The following UBE3C variants were observed in gnomAD, a reference collection of about 807,000 sequenced individuals.
The protein encoded by UBE3C is ubiquitin protein ligase E3C.
In UBE3C, 42 loss-of-function variants were observed where a neutral mutation model predicts 129.4. That is an observed-to-expected ratio of 0.32 (90% CI 0.25 to 0.42). The LOEUF is 0.42. Ranked by LOEUF, UBE3C falls within the 10% of genes least tolerant of loss-of-function variation. UBE3C has a pLI of 1.00. For synonymous variants in UBE3C, 510 were observed against 492.4 expected (o/e 1.04, Z -0.47); for missense variants, 1,049 against 1,319.1 (o/e 0.80, Z 3.17).
In UBE3C at chr7:157,268,851, CAGAA is replaced by C. The variant is rs1464806591; in HGVS notation, c.*1099_*1102del. ...GCTGGGTGATTTTAGTCTCTACAAACAGAAAGCGTTTCAAAGCGTCAGCTGTGGG... is the reference window on the plus strand; with the variant it reads ...GCTGGGTGATTTTAGTCTCTACAAACAGCGTTTCAAAGCGTCAGCTGTGGG... On this transcript the variant is annotated 3_prime_UTR_variant, in exon 23 of 23. Coordinates refer to ENST00000348165, the MANE Select transcript of UBE3C (RefSeq NM_014671.3). 2 of 152,692 alleles carry C rather than the reference CAGAA, an allele frequency of 1.3e-5. No homozygotes were observed. Among genetic ancestry groups the C allele is most frequent in the Admixed American group, 6.5e-5 (1 of 15,286 alleles). 9.5% of individuals were successfully genotyped at this position (152,692 alleles called of 1,614,324 possible).
intron 13 of UBE3C, among the ~76,000 whole-genome samples, chr7:157,214,285 G>T (rs1351200104): frequency 6.6e-6 from 1 of 152,152 alleles, no homozygotes; most frequent in African/African-American, 2.4e-5. Flanking sequence ...ATGTAAATGA[G>T]AACTTAATTG....
At chr7:157,247,928 T>C (rs955283264) in intron 18 of UBE3C, among the ~76,000 whole-genome samples, 1 of 152,128 alleles carries the variant, frequency 6.6e-6, no homozygotes, top group African/African-American at 2.4e-5. Flanking sequence ...CTGCGAGGCC[T>C]TGTTTGGAAA....
chr7:157,172,586 C>T (rs1396454969), intron 4 of UBE3C, among the ~76,000 whole-genome samples: 2 of 152,052 alleles, frequency 1.3e-5, no homozygotes, highest in South Asian at 2.1e-4. Flanking sequence ...TTCTGTAAAC[C>T]GAGAACGTGC....
chr7:157,186,782 G>A (rs1250254707), intron 9 of UBE3C, 52 bp from the exon 10 acceptor site: 1 of 1,595,942 alleles, frequency 6.3e-7, no homozygotes, highest in African/African-American at 1.3e-5. Flanking sequence ...TAGTGTAGAG[G>A]ACGTTCCAGT....
At position 157,267,831 on chromosome 7, in the gene UBE3C, A is replaced by C; in HGVS notation, c.*76A>C. On this transcript the variant is annotated 3_prime_UTR_variant, in exon 23 of 23. Transcript: ENST00000348165. ...GCAGCGCCTCCCCAGACCCACGAGGATACTCACACTGCACGCCTGAGGCTC... is the reference window on the plus strand; with the variant it reads ...GCAGCGCCTCCCCAGACCCACGAGGCTACTCACACTGCACGCCTGAGGCTC... The C allele has an allele frequency of 7.6e-7, 1 of 1,323,076 alleles. No homozygotes were observed. The highest frequency in any genetic ancestry group is 1.0e-6 in the Non-Finnish European group (1 of 982,426). The allele number at this position is 1,323,076 out of a possible 1,614,324, so 82.0% of individuals were successfully genotyped here. A position where few individuals can be genotyped will look rare whatever the true frequency, so the allele number is the denominator to read the frequency against.
intron 4 of UBE3C, among the ~76,000 whole-genome samples, chr7:157,171,940 C>G (rs1029597099): frequency 6.6e-6 from 1 of 150,396 alleles, no homozygotes; most frequent in African/African-American, 2.4e-5. Context: ...CTCCTGGCCT[C>G]AGGTGATCCA....
At chr7:157,184,353 T>C (rs1485680570) in intron 9 of UBE3C, among the ~76,000 whole-genome samples, 1 of 152,250 alleles carries the variant, frequency 6.6e-6, no homozygotes, top group Non-Finnish European at 1.5e-5. Context: ...AAGATCCTTT[T>C]TACCCTATCC....
chr7:157,152,246 G>A (rs529739564), intron 1 of UBE3C, among the ~76,000 whole-genome samples: 20 of 152,204 alleles, frequency 1.3e-4, no homozygotes, highest in African/African-American at 4.6e-4. Flanking sequence ...TGGGGGAAAG[G>A]TAATTAGGGA....
chr7:157,251,992 C>T (rs781360323), intron 19 of UBE3C, among the ~76,000 whole-genome samples: 22 of 151,960 alleles, frequency 1.4e-4, no homozygotes, highest in African/African-American at 4.6e-4. Flanking sequence ...AAAACTGAGC[C>T]GGGCGTGGTG....
chr7:157,215,737 A>G (rs1441449036), intron 13 of UBE3C, among the ~76,000 whole-genome samples: 4 of 152,008 alleles, frequency 2.6e-5, no homozygotes, highest in African/African-American at 9.7e-5. Context: ...TATATGATCC[A>G]ATCCTGGTTG....
At chr7:157,230,929 A>C in intron 17 of UBE3C, 151 bp from the exon 18 acceptor site, 1 of 1,209,170 alleles carries the variant, frequency 8.3e-7, no homozygotes, top group Non-Finnish European at 1.2e-6. Context: ...TGTCTCAAAA[A>C]ATAATGATAA....
At chr7:157,195,188 G>A (rs1809083532) in intron 10 of UBE3C, among the ~76,000 whole-genome samples, 1 of 152,274 alleles carries the variant, frequency 6.6e-6, no homozygotes, top group Non-Finnish European at 1.5e-5. Context: ...TTCAGAAAAA[G>A]CCAAAATTAG....
At chr7:157,160,079 T>C (rs986036069) in intron 1 of UBE3C, among the ~76,000 whole-genome samples, 3 of 152,030 alleles carry the variant, frequency 2.0e-5, no homozygotes, top group East Asian at 1.9e-4. Context: ...CTTTTTTTTT[T>C]CTTTTTTTTT....
At position 157,138,975 on chromosome 7, in the gene UBE3C, A is replaced by C. The variant is rs1341652034; in HGVS notation, c.-298A>C. 2 of 152,412 alleles carry C rather than the reference A, an allele frequency of 1.3e-5. No individual in the cohort carries two copies. Among genetic ancestry groups the C allele is most frequent in the Admixed American group, 1.3e-4 (2 of 15,250 alleles). The allele number at this position is 152,412 out of a possible 1,614,324, so 9.4% of individuals were successfully genotyped here. On this transcript the variant is annotated 5_prime_UTR_variant, in exon 1 of 23. Coordinates refer to ENST00000348165, the MANE Select transcript of UBE3C (RefSeq NM_014671.3). ...TCTTCCCTCCCGAGGCGGCAGTTCC[A>C]GGTGCAAGCGCCGGGTTTGCTGCCC...
intron 1 of UBE3C, among the ~76,000 whole-genome samples, chr7:157,142,802 A>C (rs1807491563): frequency 6.6e-6 from 1 of 152,056 alleles, no homozygotes; most frequent in African/African-American, 2.4e-5. Flanking sequence ...CCTGCAGTAT[A>C]TTCTTGTAAC....
chr7:157,173,909 G>A (rs892958311), intron 4 of UBE3C, among the ~76,000 whole-genome samples: 1 of 152,198 alleles, frequency 6.6e-6, no homozygotes, highest in African/African-American at 2.4e-5. Context: ...TTTCATCCCA[G>A]TTTAAGACAT....
At chr7:157,163,104 G>A (rs1282886283) in intron 1 of UBE3C, among the ~76,000 whole-genome samples, 1 of 152,042 alleles carries the variant, frequency 6.6e-6, no homozygotes, top group Non-Finnish European at 1.5e-5. Context: ...ACCCAGAGAT[G>A]GCCGGGCGCG....
At chr7:157,266,897 G>A (rs1427446977) in intron 22 of UBE3C, among the ~76,000 whole-genome samples, 1 of 151,982 alleles carries the variant, frequency 6.6e-6, no homozygotes. Flanking sequence ...ACCACACCTG[G>A]CTAATTGTTT....
At position 157,254,397 on chromosome 7, in the gene UBE3C, T is replaced by A. The variant is rs199719045; in HGVS notation, c.2950+87T>A. On this transcript the variant is annotated intron_variant, in intron 21 of 22. Coordinates refer to ENST00000348165, the MANE Select transcript of UBE3C (RefSeq NM_014671.3). ...AATTTTTATTTTATTTTAATTAATT[T>A]ATTTATTTTTTTTTTTTCAGACTGA... 145 of 692,732 alleles carry A rather than the reference T, an allele frequency of 2.1e-4. 1 individual carries two copies. Among genetic ancestry groups the A allele is most frequent in the Non-Finnish European group, 2.0e-4 (102 of 505,260 alleles). 42.9% of individuals were successfully genotyped at this position (692,732 alleles called of 1,614,324 possible).
Sources: gnomAD v4.1 joint callset for allele counts (sites outside exome capture counted in the v4.1 genomes callset) on GRCh38, gnomAD v4.1.1 for gene constraint, MANE v1.5 for transcripts, NCBI Gene and HGNC (gene_info 2026-07-23, HGNC 2026-07-21) for gene names.